Variants in IMMP2L observed in about 807,000 individuals in gnomAD.
IMMP2L encodes mitochondrial inner membrane protease subunit 2.
A neutral mutation model predicts 19.3 loss-of-function variants in IMMP2L; 18 were observed. The observed-to-expected ratio is 0.93, with a 90% CI of 0.64 to 1.38. The LOEUF (loss-of-function observed/expected upper bound fraction) is 1.38. IMMP2L is among the 40% of genes most tolerant of loss of function. The pLI is 0.00. For synonymous variants in IMMP2L, 76 were observed against 73.0 expected (o/e 1.04, Z -0.21); for missense variants, 233 against 218.2 (o/e 1.07, Z -0.43).
chr7:110,800,885 A>G lies in IMMP2L; in HGVS notation c.408+85708T>C, dbSNP rs184608804. On this transcript the variant is annotated intron_variant, in intron 5 of 5. Transcript: ENST00000405709. ...AATGTAGGATGAAGAAGTGGCTCCAAGATGAGTCTACTCTATTCCACAAGT... is the reference window on the plus strand; with the variant it reads ...AATGTAGGATGAAGAAGTGGCTCCAGGATGAGTCTACTCTATTCCACAAGT... Among the ~76,000 whole-genome samples, 18 of 152,228 alleles carry G rather than the reference A, an allele frequency of 1.2e-4. No homozygotes were observed. The East Asian group carries it at 2.9e-3, about 25-fold the overall frequency.
intron 3 of IMMP2L, among the ~76,000 whole-genome samples, chr7:111,362,190 A>G (rs185444045): frequency 2.0e-4 from 31 of 152,134 alleles, no homozygotes; most frequent in Admixed American, 1.7e-3. Flanking sequence ...TTTTTTGCTT[A>G]AACTCATTTC....
At chr7:111,231,368 GTCT>G (rs1016602893) in intron 3 of IMMP2L, among the ~76,000 whole-genome samples, 18 of 151,920 alleles carry the variant, frequency 1.2e-4, no homozygotes, top group African/African-American at 4.3e-4. Flanking sequence ...ACAGCCACAG[GTCT>G]TCTTTGATTT....
chr7:111,541,837 T>G (rs1360611089), intron 1 of IMMP2L, among the ~76,000 whole-genome samples: 3 of 152,080 alleles, frequency 2.0e-5, no homozygotes, highest in Admixed American at 6.6e-5. Context: ...AGACGAGGCA[T>G]ATCACCTAAA....
At chr7:111,397,848 A>G (rs1435885198) in intron 3 of IMMP2L, among the ~76,000 whole-genome samples, 2 of 152,096 alleles carry the variant, frequency 1.3e-5, no homozygotes, top group African/African-American at 4.8e-5. Flanking sequence ...TTTTTGACAT[A>G]TAAGAGACTT....
chr7:111,354,622 T>A (rs1008374129), intron 3 of IMMP2L, among the ~76,000 whole-genome samples: 2 of 151,484 alleles, frequency 1.3e-5, no homozygotes, highest in African/African-American at 4.8e-5. Flanking sequence ...TTTTGAATAA[T>A]ATGACTACCT....
intron 1 of IMMP2L, among the ~76,000 whole-genome samples, chr7:111,541,879 T>C (rs187053038): frequency 1.3e-5 from 2 of 152,148 alleles, no homozygotes; most frequent in East Asian, 3.9e-4. Context: ...GTTATCCAAG[T>C]AATTAAAAAG....
intron 5 of IMMP2L, among the ~76,000 whole-genome samples, chr7:110,667,799 G>A (rs1791566460): frequency 6.6e-6 from 1 of 152,180 alleles, no homozygotes. Context: ...GTTGTAAGGA[G>A]ATACATTTAT....
chr7:111,039,304 T>C (rs77192526), intron 3 of IMMP2L, among the ~76,000 whole-genome samples: 6,040 of 152,298 alleles, frequency 0.04, 143 homozygotes, highest in Middle Eastern at 0.065. Context: ...GCGTAAAAAA[T>C]ATAGTGTGGT....
intron 4 of IMMP2L, chr7:110,963,170 C>A (rs148103178): frequency 5.7e-5 from 61 of 1,074,694 alleles, no homozygotes; most frequent in Non-Finnish European, 7.4e-5. Context: ...TTTAAATGAA[C>A]CTTAACATCA....
chr7:111,304,495 G>T (rs1034067011), intron 3 of IMMP2L, among the ~76,000 whole-genome samples: 34 of 151,778 alleles, frequency 2.2e-4, no homozygotes, highest in African/African-American at 7.3e-4. Context: ...GAGCCCATAG[G>T]TGTGTATATA....
At chr7:111,053,222 G>A (rs1033594055) in intron 3 of IMMP2L, among the ~76,000 whole-genome samples, 1 of 152,254 alleles carries the variant, frequency 6.6e-6, no homozygotes, top group South Asian at 2.1e-4. Context: ...TTTGACTTGG[G>A]GTTTATATGT....
At chr7:110,876,040 C>T (rs1417860585) in intron 5 of IMMP2L, among the ~76,000 whole-genome samples, 1 of 152,032 alleles carries the variant, frequency 6.6e-6, no homozygotes, top group Non-Finnish European at 1.5e-5. Context: ...AAAACGGATA[C>T]ATTTCTTTAT....
chr7:111,027,794 G>T (rs1210208037), intron 3 of IMMP2L, among the ~76,000 whole-genome samples: 1 of 152,006 alleles, frequency 6.6e-6, no homozygotes, highest in Admixed American at 6.6e-5. Context: ...ATATCTAAAT[G>T]AAGAACAAAG....
chr7:111,450,693 G>A (rs1343158506), intron 3 of IMMP2L, among the ~76,000 whole-genome samples: 15 of 150,754 alleles, frequency 9.9e-5, no homozygotes, highest in Non-Finnish European at 1.9e-4. Context: ...GGCAACCAAA[G>A]CCAAAATTGA....
At chr7:110,796,270 A>G (rs1800857626) in intron 5 of IMMP2L, among the ~76,000 whole-genome samples, 1 of 151,970 alleles carries the variant, frequency 6.6e-6, no homozygotes, top group African/African-American at 2.4e-5. Flanking sequence ...ACTAATACAG[A>G]TGGACTTAGA....
At chr7:111,340,813 T>C (rs1465088960) in intron 3 of IMMP2L, among the ~76,000 whole-genome samples, 1 of 152,102 alleles carries the variant, frequency 6.6e-6, no homozygotes, top group Admixed American at 6.6e-5. Flanking sequence ...CAATGGTCAG[T>C]GAAAGAAGTC....
At chr7:111,037,451 G>A (rs995177502) in intron 3 of IMMP2L, among the ~76,000 whole-genome samples, 4 of 152,108 alleles carry the variant, frequency 2.6e-5, no homozygotes, top group Admixed American at 1.3e-4. Context: ...TAGGTTTAAA[G>A]CACACTTCAG....
At chr7:111,548,306 C>T (rs949810990) in intron 1 of IMMP2L, among the ~76,000 whole-genome samples, 3 of 152,036 alleles carry the variant, frequency 2.0e-5, no homozygotes, top group Non-Finnish European at 4.4e-5. Context: ...ATTTTCTTCT[C>T]CCCATTCTCA....
chr7:111,451,533 A>G (rs1409611002), intron 3 of IMMP2L, among the ~76,000 whole-genome samples: 2 of 124,972 alleles, frequency 1.6e-5, no homozygotes, highest in Admixed American at 1.0e-4. Flanking sequence ...GGACACAGGA[A>G]GGGGAATATC....
Sources: gnomAD v4.1 joint callset for allele counts (sites outside exome capture counted in the v4.1 genomes callset) on GRCh38, gnomAD v4.1.1 for gene constraint, MANE v1.5 for transcripts, NCBI Gene and HGNC (gene_info 2026-07-23, HGNC 2026-07-21) for gene names.